FMN1: variants seen among roughly 807,000 people sequenced by gnomAD.
FMN1 encodes formin 1.
In FMN1, 110 loss-of-function variants were observed where a neutral mutation model predicts 132.4. The observed-to-expected ratio is 0.83, with a 90% CI of 0.71 to 0.97. The LOEUF (loss-of-function observed/expected upper bound fraction) is 0.97. FMN1 is among the 50% of genes least tolerant of loss of function. The probability of loss-of-function intolerance (pLI) is 0.00; values close to 1 mark genes in which losing one functional copy is unlikely to be tolerated. For synonymous variants in FMN1, 722 were observed against 651.7 expected (o/e 1.11, Z -1.64); for missense variants, 1,792 against 1,705.3 (o/e 1.05, Z -0.90).
At position 32,914,009 on chromosome 15, in the gene FMN1, C is replaced by T. The variant is rs561736634; in HGVS notation, c.3227-3474G>A. On this transcript the variant is annotated intron_variant, in intron 10 of 20. Coordinates refer to ENST00000616417, the MANE Select transcript of FMN1 (RefSeq NM_001277313.2). ...TTGTTTGCTTCTTCCCAATTTGACC[C>T]TGTCCAAAAATCAAGGTTTGGCCAG... 2.6e-5 allele frequency among the ~76,000 whole-genome samples: 4 copies of T among 152,304 alleles called. No homozygotes were observed. In the South Asian group the frequency reaches 8.3e-4, roughly 32 times the overall value.
At chr15:32,823,162 T>TGTTTG (rs1567224782) in intron 17 of FMN1, among the ~76,000 whole-genome samples, 3 of 76,054 alleles carry the variant, frequency 3.9e-5, no homozygotes, top group East Asian at 9.4e-4. Flanking sequence ...GTTTTTTTTT[T>TGTTTG]TTTTTTTTTT....
rs78930291 is a variant in FMN1 at position 32,855,262 on chromosome 15, A to G, written c.3928+1753T>C. 3.4e-3 allele frequency among the ~76,000 whole-genome samples: 518 copies of G among 152,244 alleles called. 20 individuals carry two copies. The East Asian group carries it at 0.088, about 26-fold the overall frequency. The stretch of plus-strand genomic sequence containing the variant: ...GGTCTAGAGTTGGGCCCGGGTATCA[A>G]GATTTTAAAAAATCTCCTAAGTGAT... On this transcript the variant is annotated intron_variant, in intron 17 of 20. Coordinates refer to ENST00000616417, the MANE Select transcript of FMN1 (RefSeq NM_001277313.2).
intron 9 of FMN1, among the ~76,000 whole-genome samples, chr15:32,928,638 G>C (rs1280634758): frequency 1.3e-5 from 2 of 152,132 alleles, no homozygotes; most frequent in African/African-American, 4.8e-5. Flanking sequence ...AAAGAGAAAC[G>C]TTTTGGGAAT....
At chr15:32,922,786 A>G (rs886148292) in intron 10 of FMN1, among the ~76,000 whole-genome samples, 2 of 152,204 alleles carry the variant, frequency 1.3e-5, no homozygotes, top group Non-Finnish European at 2.9e-5. Context: ...CTATCAACTT[A>G]ATGGTAGAGT....
At chr15:33,074,064 T>C (rs547141926) in intron 5 of FMN1, among the ~76,000 whole-genome samples, 7 of 152,064 alleles carry the variant, frequency 4.6e-5, no homozygotes, top group Non-Finnish European at 8.8e-5. Flanking sequence ...ATGAAGGCAT[T>C]TGAGGTCAAG....
intron 18 of FMN1, among the ~76,000 whole-genome samples, chr15:32,803,466 A>C (rs953582247): frequency 6.6e-5 from 10 of 152,166 alleles, no homozygotes; most frequent in African/African-American, 2.4e-4. Flanking sequence ...TTCCCATGTG[A>C]TATCTATTGA....
intron 10 of FMN1, among the ~76,000 whole-genome samples, chr15:32,914,018 A>G (rs1344677006): frequency 6.6e-6 from 1 of 152,168 alleles, no homozygotes; most frequent in African/African-American, 2.4e-5. Flanking sequence ...CCTGTCCAAA[A>G]ATCAAGGTTT....
chr15:33,139,113 G>A (rs939165249), intron 4 of FMN1, among the ~76,000 whole-genome samples: 2 of 152,156 alleles, frequency 1.3e-5, no homozygotes, highest in African/African-American at 2.4e-5. Flanking sequence ...AAAAGTAGAC[G>A]TTTAATGTAT....
chr15:33,155,213 T>G (rs5002280), intron 3 of FMN1, among the ~76,000 whole-genome samples, 168 bp from the exon 4 acceptor site: 1 of 152,062 alleles, frequency 6.6e-6, no homozygotes, highest in African/African-American at 2.4e-5. Context: ...ACTCCCACCC[T>G]ACTCCTGATC....
In FMN1 at chr15:33,033,271, C is replaced by T. The variant is rs192625019; in HGVS notation, c.2162-25196G>A. Among the ~76,000 whole-genome samples the T allele has an allele frequency of 3.9e-5, 6 of 152,256 alleles. No homozygotes were observed. In the East Asian group the frequency reaches 1.2e-3, roughly 29 times the overall value. ...AGTCTTGATCTCCTGACCTTGTGATCCGCCCACCTCAGCCTCCCAAAGTGC... is the reference window on the plus strand; with the variant it reads ...AGTCTTGATCTCCTGACCTTGTGATTCGCCCACCTCAGCCTCCCAAAGTGC... On this transcript the variant is annotated intron_variant, in intron 6 of 20. Coordinates refer to ENST00000616417, the MANE Select transcript of FMN1 (RefSeq NM_001277313.2).
chr15:32,838,682 C>G (rs1387819519), intron 17 of FMN1, among the ~76,000 whole-genome samples: 1 of 152,210 alleles, frequency 6.6e-6, no homozygotes. Context: ...TATTACCCTA[C>G]AGATCTCTAT....
At chr15:33,055,490 G>C (rs1434181214) in intron 6 of FMN1, among the ~76,000 whole-genome samples, 2 of 152,088 alleles carry the variant, frequency 1.3e-5, no homozygotes, top group African/African-American at 2.4e-5. Context: ...TACAAGGCTA[G>C]ACAAAGCTAC....
chr15:32,902,602 A>T (rs1028549233), intron 12 of FMN1, among the ~76,000 whole-genome samples: 3 of 152,256 alleles, frequency 2.0e-5, no homozygotes, highest in Non-Finnish European at 4.4e-5. Flanking sequence ...ACATTAACTT[A>T]CACACATAGA....
At chr15:33,149,901 G>A in intron 4 of FMN1, 1 of 984,226 alleles carries the variant, frequency 1.0e-6, no homozygotes, top group Non-Finnish European at 1.2e-6. Context: ...AGTAGTATTA[G>A]GGGTTTACAC....
rs1331411824 is a variant in FMN1 at position 32,848,263 on chromosome 15, T to G, written c.3928+8752A>C. 5.9e-5 allele frequency among the ~76,000 whole-genome samples: 9 copies of G among 152,254 alleles called. No homozygotes were observed. The East Asian group carries it at 1.7e-3, about 29-fold the overall frequency. On this transcript the variant is annotated intron_variant, in intron 17 of 20. Coordinates refer to ENST00000616417, the MANE Select transcript of FMN1 (RefSeq NM_001277313.2). ...TGAAACTGAAGTGATGATGGAAGCA[T>G]GAGCAAAATAAGTGAAGTCAATCCA...
intron 10 of FMN1, among the ~76,000 whole-genome samples, chr15:32,914,849 T>G: frequency 6.6e-6 from 1 of 151,784 alleles, no homozygotes; most frequent in Non-Finnish European, 1.5e-5. Context: ...GGCAGAGGAG[T>G]CTAAGAGGTG....
At chr15:33,055,262 G>A (rs2037164741) in intron 6 of FMN1, among the ~76,000 whole-genome samples, 1 of 152,034 alleles carries the variant, frequency 6.6e-6, no homozygotes, top group Admixed American at 6.5e-5. Flanking sequence ...TCAACCAATT[G>A]CCAATCAAAA....
At chr15:33,067,635 C>G in intron 5 of FMN1, 1 of 1,614,042 alleles carries the variant, frequency 6.2e-7, no homozygotes, top group South Asian at 1.1e-5. Context: ...ACCCGAGACC[C>G]TGCTTCCTGT....
At chr15:32,878,677 C>T (rs2059693585) in intron 16 of FMN1, among the ~76,000 whole-genome samples, 1 of 152,156 alleles carries the variant, frequency 6.6e-6, no homozygotes, top group African/African-American at 2.4e-5. Flanking sequence ...TAGCCTTACA[C>T]TCATTTTTAT....
Sources: allele counts gnomAD v4.1 joint callset (sites outside exome capture counted in the v4.1 genomes callset), GRCh38; gene constraint gnomAD v4.1.1; transcripts MANE v1.5; gene names NCBI Gene and HGNC (gene_info 2026-07-23, HGNC 2026-07-21).